UTRN: variants seen among roughly 807,000 people sequenced by gnomAD.
The protein encoded by UTRN is dystrophin-related protein 1.
Under a neutral mutation model 463.9 loss-of-function variants are expected in UTRN, and 283 were observed. The ratio of observed to expected loss-of-function variants is 0.61; its 90% CI spans 0.55 to 0.67. The LOEUF (loss-of-function observed/expected upper bound fraction) is 0.67. Ranked by LOEUF, UTRN falls within the 30% of genes least tolerant of loss-of-function variation. UTRN has a pLI of 0.00. For synonymous variants in UTRN, 1,442 were observed against 1,431.5 expected (o/e 1.01, Z -0.17); for missense variants, 3,922 against 4,084.3 (o/e 0.96, Z 1.08).
At chr6:144,633,485 G>A (rs1361186771) in intron 51 of UTRN, among the ~76,000 whole-genome samples, 3 of 152,270 alleles carry the variant, frequency 2.0e-5, no homozygotes, top group East Asian at 1.9e-4. Context: ...GCCCGCCTTG[G>A]CCTCCCAAAG....
intron 59 of UTRN, 71 bp downstream of exon 59, chr6:144,772,039 T>TGA (rs1554384516): frequency 9.2e-7 from 1 of 1,085,760 alleles, no homozygotes; most frequent in African/African-American, 2.4e-5. Context: ...TTTTTTTTTT[T>TGA]TTTTTTTTTT....
At chr6:144,725,118 T>C (rs1787719766) in intron 53 of UTRN, among the ~76,000 whole-genome samples, 2 of 152,010 alleles carry the variant, frequency 1.3e-5, no homozygotes, top group South Asian at 4.1e-4. Context: ...CAGTGGGAGG[T>C]AATTAAATCA....
At chr6:144,460,618 G>A (rs1007896602) in intron 21 of UTRN, among the ~76,000 whole-genome samples, 2 of 152,146 alleles carry the variant, frequency 1.3e-5, no homozygotes, top group African/African-American at 4.8e-5. Context: ...CTGCTAGTTG[G>A]TTTCACCTCT....
chr6:144,776,966 C>G (rs1177127818), intron 60 of UTRN, among the ~76,000 whole-genome samples: 2 of 152,128 alleles, frequency 1.3e-5, no homozygotes, highest in Non-Finnish European at 2.9e-5. Context: ...TAGAACTGTT[C>G]TTTTCCTTAC....
At chr6:144,462,526 T>A (rs1789526640) in intron 22 of UTRN, 128 bp from the exon 23 acceptor site, 3 of 835,152 alleles carry the variant, frequency 3.6e-6, no homozygotes, top group Non-Finnish European at 5.5e-6. Context: ...TCCCACCCAC[T>A]GTTCTTTTTA....
intron 51 of UTRN, among the ~76,000 whole-genome samples, chr6:144,581,530 A>G (rs1488672838): frequency 1.3e-5 from 2 of 152,096 alleles, no homozygotes; most frequent in African/African-American, 4.8e-5. Flanking sequence ...GTCTTGTTCC[A>G]TAGATGCAGA....
chr6:144,577,052 A>C lies in UTRN; in HGVS notation c.7290-47A>C, dbSNP rs778776663. ...TAGGGGATGCGTGATGTGGAATGTC[A>C]CAACACTGTAAGTAATGGAGCCGTG... On this transcript the variant is annotated intron_variant, in intron 50 of 74. Transcript: ENST00000367545. 4 of 1,580,714 alleles carry C rather than the reference A, an allele frequency of 2.5e-6. No individual in the cohort carries two copies. The African/African-American group carries it at 4.0e-5, about 16-fold the overall frequency.
chr6:144,346,884 A>G (rs949192508), intron 2 of UTRN, among the ~76,000 whole-genome samples: 17 of 148,614 alleles, frequency 1.1e-4, no homozygotes, highest in Non-Finnish European at 2.2e-4. Context: ...TCATCTATCT[A>G]TCTATCTATC....
At chr6:144,634,590 T>A (rs1282267916) in intron 51 of UTRN, among the ~76,000 whole-genome samples, 3 of 152,334 alleles carry the variant, frequency 2.0e-5, no homozygotes, top group Admixed American at 2.0e-4. Flanking sequence ...ATATTCCAAG[T>A]AATGTACCCA....
intron 55 of UTRN, 24 bp from the exon 56 acceptor site, chr6:144,751,782 A>G (rs1791429053): frequency 1.9e-6 from 3 of 1,582,324 alleles, no homozygotes; most frequent in Non-Finnish European, 1.7e-6. Flanking sequence ...TTCCAATAAT[A>G]TATTTTTTGT....
In UTRN at chr6:144,606,014, A is replaced by AT. The variant is rs370864380; in HGVS notation, c.7479+28733dup. 5.3e-5 allele frequency among the ~76,000 whole-genome samples: 8 copies of AT among 151,968 alleles called. No individual in the cohort carries two copies. In the East Asian group the frequency reaches 9.7e-4, roughly 18 times the overall value. ...AATTTAATATAGTATATGTTTTGTG[A>AT]TTTTTTTCATGTCTTAACATTTTAA... is the stretch of plus-strand genomic sequence containing the variant. On this transcript the variant is annotated intron_variant, in intron 51 of 74. Transcript: ENST00000367545.
At chr6:144,438,626 C>T (rs1250208724) in intron 11 of UTRN, 119 bp from the exon 12 acceptor site, 1 of 1,258,418 alleles carries the variant, frequency 7.9e-7, no homozygotes, top group East Asian at 2.3e-5. Context: ...CTAAATGCTA[C>T]CTTGAATGTT....
chr6:144,533,856 T>C (rs1004302314), intron 43 of UTRN, among the ~76,000 whole-genome samples: 28 of 152,126 alleles, frequency 1.8e-4, no homozygotes, highest in Admixed American at 1.8e-3. Flanking sequence ...ATAGACACTT[T>C]CCATATTTAA....
At chr6:144,473,643 C>A in intron 23 of UTRN, 77 bp from the exon 24 acceptor site, 3 of 1,066,368 alleles carry the variant, frequency 2.8e-6, no homozygotes, top group South Asian at 1.6e-5. Context: ...TCCTTTGTTC[C>A]AGTGGCGGTA....
chr6:144,451,761 G>T (rs1160095545), intron 18 of UTRN, among the ~76,000 whole-genome samples: 1 of 151,950 alleles, frequency 6.6e-6, no homozygotes, highest in Non-Finnish European at 1.5e-5. Flanking sequence ...CCAGTTAGTG[G>T]TACTACTTTT....
intron 51 of UTRN, among the ~76,000 whole-genome samples, chr6:144,579,934 T>G (rs1801802740): frequency 6.6e-6 from 1 of 152,168 alleles, no homozygotes; most frequent in Non-Finnish European, 1.5e-5. Context: ...TGCTCTTAAT[T>G]TTAAAGTGTT....
intron 50 of UTRN, among the ~76,000 whole-genome samples, chr6:144,573,151 G>T (rs1007297830): frequency 7.2e-5 from 11 of 152,022 alleles, no homozygotes; most frequent in African/African-American, 2.4e-4. Context: ...TTTGTTGGCC[G>T]CATAAATGTC....
Position 144,487,535 on chromosome 6 carries a change from A to G in UTRN, c.3823-13A>G. The G allele has an allele frequency of 6.4e-7, 1 of 1,564,142 alleles. No individual in the cohort carries two copies. The highest frequency in any genetic ancestry group is 1.2e-5 in the South Asian group (1 of 83,004). On this transcript the variant is annotated splice_polypyrimidine_tract_variant and intron_variant, in intron 28 of 74. Coordinates refer to ENST00000367545, the MANE Select transcript of UTRN (RefSeq NM_007124.3). ...AAATGCATTATTATTTTTTTTTCCC[A>G]TCTCCATTCCAGTCTCTGGAATCTG...
chr6:144,437,880 G>A (rs1786736642), intron 11 of UTRN, 134 bp downstream of exon 11: 4 of 822,838 alleles, frequency 4.9e-6, no homozygotes, highest in South Asian at 5.0e-5. Flanking sequence ...TCTTTTCTAC[G>A]GGTAATATTG....
Sources: allele counts gnomAD v4.1 joint callset (sites outside exome capture counted in the v4.1 genomes callset), GRCh38; gene constraint gnomAD v4.1.1; transcripts MANE v1.5; gene names NCBI Gene and HGNC (gene_info 2026-07-23, HGNC 2026-07-21).